SDCCAG8: variants seen among roughly 807,000 people sequenced by gnomAD.
The protein encoded by SDCCAG8 is serologically defined colon cancer antigen 8.
A neutral mutation model predicts 101.8 loss-of-function variants in SDCCAG8; 74 were observed. The ratio of observed to expected loss-of-function variants is 0.73; its 90% confidence interval spans 0.60 to 0.88. The LOEUF (loss-of-function observed/expected upper bound fraction) is 0.88. SDCCAG8 is among the 40% of genes least tolerant of loss of function. The probability of loss-of-function intolerance (pLI) is 0.00; values close to 1 mark genes in which losing one functional copy is unlikely to be tolerated. For synonymous variants in SDCCAG8, 281 were observed against 292.9 expected (o/e 0.96, Z 0.41); for missense variants, 787 against 822.6 (o/e 0.96, Z 0.53).
intron 1 of SDCCAG8, among the ~76,000 whole-genome samples, chr1:243,268,877 C>T (rs775957334): frequency 5.3e-5 from 8 of 152,142 alleles, no homozygotes; most frequent in South Asian, 2.1e-4. Flanking sequence ...GTGCTGGAGT[C>T]CTCTGGAGGA....
rs556340745 is a variant in SDCCAG8, at chr1:243,424,951, G to A, written c.1854-1476G>A. On this transcript the variant is annotated intron_variant, in intron 15 of 17. Transcript: ENST00000366541. The stretch of plus-strand genomic sequence containing the variant: ...TCTTTTGAAATTTATTTTAGTGCAT[G>A]GTATGATAGGAGATACTAATCTTGG... 1.0e-3 allele frequency among the ~76,000 whole-genome samples: 155 copies of A among 151,624 alleles called. 1 individual carries two copies. The highest frequency in any genetic ancestry group is 3.4e-3 in the African/African-American group (141 of 41,344).
intron 12 of SDCCAG8, among the ~76,000 whole-genome samples, chr1:243,368,574 T>C (rs541593025): frequency 1.3e-5 from 2 of 152,294 alleles, no homozygotes; most frequent in South Asian, 4.1e-4. Context: ...GAACAAAACA[T>C]AGAAACATTC....
At chr1:243,488,243 G>A (rs893983439) in intron 16 of SDCCAG8, 1 of 152,400 alleles carries the variant, frequency 6.6e-6, no homozygotes, top group Non-Finnish European at 1.5e-5. Context: ...GTAGCCTGGA[G>A]TTTGAAATGC....
At chr1:243,283,496 T>C (rs2069270606) in intron 4 of SDCCAG8, among the ~76,000 whole-genome samples, 1 of 151,230 alleles carries the variant, frequency 6.6e-6, no homozygotes, top group Non-Finnish European at 1.5e-5. Flanking sequence ...TCAGTTTTTT[T>C]CCTTATTGCA....
At chr1:243,327,039 T>G (rs1170648331) in intron 9 of SDCCAG8, among the ~76,000 whole-genome samples, 2 of 151,986 alleles carry the variant, frequency 1.3e-5, no homozygotes, top group African/African-American at 4.8e-5. Context: ...AAAGGTACCT[T>G]CAGGAATGAG....
intron 13 of SDCCAG8, among the ~76,000 whole-genome samples, chr1:243,385,014 A>G (rs1371446489): frequency 2.0e-5 from 3 of 152,162 alleles, no homozygotes; most frequent in African/African-American, 7.2e-5. Context: ...ACGCTGTGCT[A>G]GGGATGAAGG....
chr1:243,404,594 G>A (rs1448351476), intron 13 of SDCCAG8, among the ~76,000 whole-genome samples: 1 of 152,262 alleles, frequency 6.6e-6, no homozygotes, highest in Middle Eastern at 3.4e-3. Flanking sequence ...TTGGGCTCAC[G>A]TCAGTTTTTT....
At chr1:243,429,428 G>T (rs1271759235) in intron 16 of SDCCAG8, among the ~76,000 whole-genome samples, 1 of 151,802 alleles carries the variant, frequency 6.6e-6, no homozygotes, top group Non-Finnish European at 1.5e-5. Context: ...TGGATTTTTT[G>T]ACTGTACAGG....
At chr1:243,287,042 A>G (rs1300523957) in intron 5 of SDCCAG8, among the ~76,000 whole-genome samples, 1 of 152,188 alleles carries the variant, frequency 6.6e-6, no homozygotes, top group Admixed American at 6.5e-5. Flanking sequence ...CTAAACTTTC[A>G]TCAAGTTGCC....
intron 14 of SDCCAG8, 54 bp downstream of exon 14, chr1:243,415,883 C>T (rs960833151): frequency 1.3e-5 from 20 of 1,597,968 alleles, no homozygotes; most frequent in African/African-American, 5.4e-5. Context: ...GTCAGGCCCA[C>T]GCCTTACTGT....
intron 13 of SDCCAG8, among the ~76,000 whole-genome samples, chr1:243,408,551 AT>A (rs2079949255): frequency 6.6e-6 from 1 of 152,190 alleles, no homozygotes; most frequent in African/African-American, 2.4e-5. Flanking sequence ...TGGCTATTAA[AT>A]GGCACACTCC....
intron 17 of SDCCAG8, among the ~76,000 whole-genome samples, chr1:243,493,365 G>A (rs2148293399): frequency 6.6e-6 from 1 of 152,314 alleles, no homozygotes; most frequent in South Asian, 2.1e-4. Flanking sequence ...GTTGGAGCCA[G>A]CTGGTGAGGA....
intron 13 of SDCCAG8, among the ~76,000 whole-genome samples, chr1:243,400,966 A>G (rs557891340): frequency 6.6e-6 from 1 of 152,298 alleles, no homozygotes; most frequent in South Asian, 2.1e-4. Context: ...TTAGGAAGAA[A>G]TGGAGCAACT....
chr1:243,472,834 A>G (rs1233421527), intron 16 of SDCCAG8, among the ~76,000 whole-genome samples: 1 of 152,192 alleles, frequency 6.6e-6, no homozygotes, highest in Non-Finnish European at 1.5e-5. Flanking sequence ...AACTTTTACT[A>G]TCTTAAACAA....
At chr1:243,481,421 A>C (rs2148229845) in intron 16 of SDCCAG8, among the ~76,000 whole-genome samples, 1 of 152,298 alleles carries the variant, frequency 6.6e-6, no homozygotes, top group East Asian at 1.9e-4. Flanking sequence ...TCATGCATAA[A>C]ATGCAGATGA....
At chr1:243,408,413 T>C (rs2147993941) in intron 13 of SDCCAG8, among the ~76,000 whole-genome samples, 1 of 152,278 alleles carries the variant, frequency 6.6e-6, no homozygotes, top group Middle Eastern at 3.4e-3. Context: ...AAGGTGAATA[T>C]ATGTCTTCGA....
At chr1:243,332,552 GTC>G (rs1430494582) in intron 10 of SDCCAG8, among the ~76,000 whole-genome samples, 1 of 152,048 alleles carries the variant, frequency 6.6e-6, no homozygotes, top group East Asian at 1.9e-4. Flanking sequence ...GATTATCACG[GTC>G]CCGGTCTGGA....
In SDCCAG8 at chr1:243,499,875, C is replaced by G; in HGVS notation, c.*90C>G. ...TTAATATGCCACAACGCACCACGAC[C>G]TTCCCAGGGTGACACCGCCTCAGCC... On this transcript the variant is annotated 3_prime_UTR_variant, in exon 18 of 18. Transcript: ENST00000366541. 3.1e-6 allele frequency: 4 copies of G among 1,289,330 alleles called. No homozygotes were observed. Among genetic ancestry groups the G allele is most frequent in the Non-Finnish European group, 4.4e-6 (4 of 898,996 alleles). 79.9% of individuals were successfully genotyped at this position (1,289,330 alleles called of 1,614,324 possible). A position where few individuals can be genotyped will look rare whatever the true frequency, so the allele number is the denominator to read the frequency against.
At chr1:243,460,706 C>T (rs1032790400) in intron 16 of SDCCAG8, among the ~76,000 whole-genome samples, 1 of 152,192 alleles carries the variant, frequency 6.6e-6, no homozygotes, top group Non-Finnish European at 1.5e-5. Flanking sequence ...ATTGACTTAA[C>T]TCTATTTCGG....
Sources: allele counts gnomAD v4.1 joint callset (sites outside exome capture counted in the v4.1 genomes callset), GRCh38; gene constraint gnomAD v4.1.1; transcripts MANE v1.5; gene names NCBI Gene and HGNC (gene_info 2026-07-23, HGNC 2026-07-21).